The following PRMT6 variants were observed in gnomAD, a reference collection of about 807,000 sequenced individuals.
The protein encoded by PRMT6 is protein arginine N-methyltransferase 6.
A neutral mutation model predicts 30.5 loss-of-function variants in PRMT6; 23 were observed. That is an observed-to-expected ratio of 0.75 (90% CI 0.54 to 1.07). The LOEUF is 1.07. Ranked by LOEUF, PRMT6 falls within the 50% of genes least tolerant of loss-of-function variation. PRMT6 has a pLI of 0.00. For missense variants in PRMT6, 528 were observed against 514.3 expected (o/e 1.03, Z -0.26); for synonymous variants, 265 against 228.0 (o/e 1.16, Z -1.46).
Position 107,056,867 on chromosome 1 carries a change from A to G in PRMT6, c.152A>G (p.Tyr51Cys). The change falls in exon 1 of 1, where the codon TAC becomes TGC. Residue 51 changes from tyrosine (Y) to cysteine (C), a missense_variant. Coordinates refer to ENST00000370078, the MANE Select transcript of PRMT6 (RefSeq NM_018137.3). ...RERDQLYYEC[Y>C]SDVSVHEEMI... Reference sequence around the variant, plus strand: ...CGGGACCAGCTGTACTACGAGTGCTACTCGGACGTTTCGGTCCACGAGGAG... The same window carrying G: ...CGGGACCAGCTGTACTACGAGTGCTGCTCGGACGTTTCGGTCCACGAGGAG... 1 of 1,613,688 alleles carries G rather than the reference A, an allele frequency of 6.2e-7. No homozygotes were observed. The highest frequency in any genetic ancestry group is 2.2e-5 in the East Asian group (1 of 44,862).
Position 107,057,510 on chromosome 1 carries a change from G to A in PRMT6, c.795G>A (p.Gln265=), listed in dbSNP as rs1651756139. The A allele has an allele frequency of 3.1e-6, 5 of 1,613,344 alleles. 1 individual carries two copies. The East Asian group carries it at 6.7e-5, about 22-fold the overall frequency. ...AGCTCTCCCGCGCCGGCTTGGAGCAGGAGCTGGAGGCCGGAGTGGGCGGGC... is the reference window on the plus strand; with the variant it reads ...AGCTCTCCCGCGCCGGCTTGGAGCAAGAGCTGGAGGCCGGAGTGGGCGGGC... ...QLELSRAGLE[Q]ELEAGVGGRF... The change falls in exon 1 of 1, where the codon CAG becomes CAA. Residue 265 remains glutamine, a synonymous_variant. Coordinates refer to ENST00000370078, the MANE Select transcript of PRMT6 (RefSeq NM_018137.3).
rs1349949435 is a variant in PRMT6 at position 107,057,398 on chromosome 1, G to A, written c.683G>A (p.Arg228His). Residue 228 changes from arginine to histidine, a missense_variant, in exon 1 of 1, where the codon CGC (arginine) becomes CAC (histidine). By Grantham distance (29) the Arg-to-His change is conservative. Transcript: ENST00000370078. ...DMSCLEGFAT[R>H]CLMGHSEIVV... is the part of the protein sequence containing the mutation. ...AGCTGCCTGGAGGGCTTCGCCACGCGCTGTCTCATGGGCCACTCGGAGATC... is the reference window on the plus strand; with the variant it reads ...AGCTGCCTGGAGGGCTTCGCCACGCACTGTCTCATGGGCCACTCGGAGATC... The A allele has an allele frequency of 1.9e-6, 3 of 1,613,604 alleles. No homozygotes were observed. The highest frequency in any genetic ancestry group is 1.3e-5 in the African/African-American group (1 of 74,954).
Position 107,057,288 on chromosome 1 carries a change from C to G in PRMT6, c.573C>G (p.Leu191=). 6.2e-7 allele frequency: 1 copy of G among 1,614,084 alleles called. No homozygotes were observed. Among genetic ancestry groups the G allele is most frequent in the Non-Finnish European group, 8.5e-7 (1 of 1,180,038 alleles). ...GGLLLPASAE[L]FIAPISDQML... ...TTCTCCTGCCGGCCTCCGCCGAGCT[C>G]TTCATAGCCCCCATCAGCGACCAGA... Residue 191 remains leucine (L), a synonymous_variant, in exon 1 of 1, where the codon CTC becomes CTG. Transcript: ENST00000370078.
rs778959826 is a variant in PRMT6 at position 107,057,777 on chromosome 1, C to G, written c.1062C>G (p.Arg354=). ...CCCGGGACAACCCCCGTCGCCTGCG[C>G]GTGCTGCTGCGCTACAAAGTGGGAG... ...LPSRDNPRRL[R]VLLRYKVGDQ... Residue 354 remains arginine, a synonymous_variant, in exon 1 of 1, where the codon CGC becomes CGG. Coordinates refer to ENST00000370078, the MANE Select transcript of PRMT6 (RefSeq NM_018137.3). 6.2e-7 allele frequency: 1 copy of G among 1,612,138 alleles called. No homozygotes were observed. The highest frequency in any genetic ancestry group is 1.7e-5 in the Admixed American group (1 of 59,686).
In PRMT6 at chr1:107,057,838, G is replaced by T. The variant is rs376758512; in HGVS notation, c.1123G>T (p.Asp375Tyr). 232 of 1,570,972 alleles carry T rather than the reference G, an allele frequency of 1.5e-4. No homozygotes were observed. The highest frequency in any genetic ancestry group is 1.9e-4 in the Non-Finnish European group (220 of 1,157,344). The change falls in exon 1 of 1, where the codon GAC becomes TAC. Residue 375 changes from aspartate (D) to tyrosine (Y), a missense_variant. Coordinates refer to ENST00000370078, the MANE Select transcript of PRMT6 (RefSeq NM_018137.3). Reference sequence around the variant, plus strand: ...GAAGACCAAAGACTTTGCCATGGAGGACTGAGCGTTGCCTTTTCTCCCAGC... The same window carrying T: ...GAAGACCAAAGACTTTGCCATGGAGTACTGAGCGTTGCCTTTTCTCCCAGC... ...EEKTKDFAME[D>Y]
rs1163839321 is a variant in PRMT6, at chr1:107,057,118, G to A, written c.403G>A (p.Val135Ile). Residue 135 changes from valine to isoleucine, a missense_variant, in exon 1 of 1, where the codon GTC becomes ATC. Val to Ile is a conservative substitution (Grantham distance 29). Coordinates refer to ENST00000370078, the MANE Select transcript of PRMT6 (RefSeq NM_018137.3). ...RFNGLEDRVH[V>I]LPGPVETVEL... Reference sequence around the variant, plus strand: ...CAACGGGCTGGAGGACCGGGTGCACGTCCTGCCGGGACCAGTGGAGACTGT... The same window carrying A: ...CAACGGGCTGGAGGACCGGGTGCACATCCTGCCGGGACCAGTGGAGACTGT... 1 of 1,607,202 alleles carries A rather than the reference G, an allele frequency of 6.2e-7. No homozygotes were observed.
chr1:107,057,359 A>G lies in PRMT6; in HGVS notation c.644A>G (p.Tyr215Cys). The change falls in exon 1 of 1, where the codon TAT (tyrosine) becomes TGT (cysteine). Residue 215 changes from tyrosine (Y) to cysteine (C), a missense_variant. Tyr to Cys is a radical substitution (Grantham distance 194, BLOSUM62 -2). Coordinates refer to ENST00000370078, the MANE Select transcript of PRMT6 (RefSeq NM_018137.3). ...LGFWSQVKQHYGVDMSCLEGF... is the reference protein window; with the variant it reads ...LGFWSQVKQHCGVDMSCLEGF... ...TTCTGGAGCCAGGTGAAGCAGCACT[A>G]TGGTGTGGACATGAGCTGCCTGGAG... 3.1e-6 allele frequency: 5 copies of G among 1,613,760 alleles called. No homozygotes were observed. Among genetic ancestry groups the G allele is most frequent in the East Asian group, 2.2e-5 (1 of 44,862 alleles).
At position 107,057,264 on chromosome 1, in the gene PRMT6, T is replaced by A. The variant is rs557473664; in HGVS notation, c.549T>A (p.Leu183=). The change falls in exon 1 of 1, where the codon CTT becomes CTA. Residue 183 remains leucine, a synonymous_variant. Transcript: ENST00000370078. ...CCAAGTGGCTGAAGGAGGGCGGTCTTCTCCTGCCGGCCTCCGCCGAGCTCT... is the reference window on the plus strand; with the variant it reads ...CCAAGTGGCTGAAGGAGGGCGGTCTACTCCTGCCGGCCTCCGCCGAGCTCT... The part of the protein sequence containing the change: ...ARTKWLKEGG[L]LLPASAELFI... The A allele has an allele frequency of 1.9e-5, 30 of 1,614,028 alleles. No individual in the cohort carries two copies. In the South Asian group the frequency reaches 3.2e-4, roughly 17 times the overall value.
At position 107,057,036 on chromosome 1, in the gene PRMT6, C is replaced by T; in HGVS notation, c.321C>T (p.Arg107=). 6.2e-7 allele frequency: 1 copy of T among 1,613,006 alleles called. No homozygotes were observed. Among genetic ancestry groups the T allele is most frequent in the Non-Finnish European group, 8.5e-7 (1 of 1,179,760 alleles). Residue 107 remains arginine (R), a synonymous_variant, in exon 1 of 1, where the codon CGC becomes CGT. Coordinates refer to ENST00000370078, the MANE Select transcript of PRMT6 (RefSeq NM_018137.3). Reference sequence around the variant, plus strand: ...TCTGTGCCCAGGCCGGGGCCCGGCGCGTGTACGCGGTAGAGGCCAGCGCCA... The same window carrying T: ...TCTGTGCCCAGGCCGGGGCCCGGCGTGTGTACGCGGTAGAGGCCAGCGCCA... ...SIFCAQAGAR[R]VYAVEASAIW...
rs1218042288 is a variant in PRMT6, at chr1:107,058,497, GTTAAGTAAAATGGAC to G, written c.*657_*671del. 1.2e-5 allele frequency: 2 copies of G among 168,092 alleles called. No individual in the cohort carries two copies. The highest frequency in any genetic ancestry group is 2.9e-5 in the Non-Finnish European group (2 of 68,878). The allele number at this position is 168,092 out of a possible 1,614,324, so 10.4% of individuals were successfully genotyped here. On this transcript the variant is annotated 3_prime_UTR_variant, in exon 1 of 1. Coordinates refer to ENST00000370078, the MANE Select transcript of PRMT6 (RefSeq NM_018137.3). ...CTAAAGTTGATGAACACATTAATCC[GTTAAGTAAAATGGAC>G]TTTGTAATTGTACAGCATACCTAAG...
Position 107,057,956 on chromosome 1 carries a change from C to T in PRMT6, c.*113C>T. The T allele has an allele frequency of 1.4e-6, 2 of 1,394,118 alleles. No homozygotes were observed. The highest frequency in any genetic ancestry group is 2.0e-6 in the Non-Finnish European group (2 of 1,006,318). 86.4% of individuals were successfully genotyped at this position (1,394,118 alleles called of 1,614,324 possible). On this transcript the variant is annotated 3_prime_UTR_variant, in exon 1 of 1. Transcript: ENST00000370078. ...ACGTGCAAGTAGGGGGAATATCTCC[C>T]CCTTTTCCCTCATAGCCTCTAGGGA...
In PRMT6 at chr1:107,057,821, A is replaced by G; in HGVS notation, c.1106A>G (p.Lys369Arg). The change falls in exon 1 of 1, where the codon AAA (lysine) becomes AGA (arginine). Residue 369 changes from lysine (K) to arginine (R), a missense_variant. Physicochemically the swap from Lys to Arg is conservative, Grantham distance 26. Transcript: ENST00000370078. ...GTGGGAGACCAGGAGGAGAAGACCA[A>G]AGACTTTGCCATGGAGGACTGAGCG... Reference protein sequence around the residue: ...YKVGDQEEKTKDFAMED With the variant: ...YKVGDQEEKTRDFAMED 6.3e-7 allele frequency: 1 copy of G among 1,588,570 alleles called. No homozygotes were observed. Among genetic ancestry groups the G allele is most frequent in the South Asian group, 1.1e-5 (1 of 88,206 alleles).
chr1:107,057,718 A>G lies in PRMT6; in HGVS notation c.1003A>G (p.Thr335Ala). 2.5e-6 allele frequency: 4 copies of G among 1,614,246 alleles called. No homozygotes were observed. The highest frequency in any genetic ancestry group is 3.4e-6 in the Non-Finnish European group (4 of 1,180,050). The change falls in exon 1 of 1, where the codon ACG (threonine) becomes GCG (alanine). Residue 335 changes from threonine (T) to alanine (A), a missense_variant. Physicochemically the swap from Thr to Ala is moderately conservative, Grantham distance 58 (BLOSUM62 0). Coordinates refer to ENST00000370078, the MANE Select transcript of PRMT6 (RefSeq NM_018137.3). ...CGAGCCGGTGCAAGTGGAGCAAGAC[A>G]CGGACGTTTCAGGAGAGATCACGCT... ...LNEPVQVEQD[T>A]DVSGEITLLP...
At position 107,057,397 on chromosome 1, in the gene PRMT6, C is replaced by G; in HGVS notation, c.682C>G (p.Arg228Gly). 3.1e-6 allele frequency: 5 copies of G among 1,613,722 alleles called. No homozygotes were observed. Among genetic ancestry groups the G allele is most frequent in the Non-Finnish European group, 4.2e-6 (5 of 1,180,048 alleles). The change falls in exon 1 of 1, where the codon CGC (arginine) becomes GGC (glycine). Residue 228 changes from arginine (R) to glycine (G), a missense_variant. Coordinates refer to ENST00000370078, the MANE Select transcript of PRMT6 (RefSeq NM_018137.3). ...DMSCLEGFAT[R>G]CLMGHSEIVV... ...GAGCTGCCTGGAGGGCTTCGCCACG[C>G]GCTGTCTCATGGGCCACTCGGAGAT...
rs1651782201 is a variant in PRMT6, at chr1:107,058,477, G to C, written c.*634G>C. On this transcript the variant is annotated 3_prime_UTR_variant, in exon 1 of 1. Transcript: ENST00000370078. ...ACCACATACATCATAGGGTGCTAAA[G>C]TTGATGAACACATTAATCCGTTAAG... is the stretch of plus-strand genomic sequence containing the variant. 1 of 170,232 alleles carries C rather than the reference G, an allele frequency of 5.9e-6. No individual in the cohort carries two copies. Among genetic ancestry groups the C allele is most frequent in the Non-Finnish European group, 1.4e-5 (1 of 69,942 alleles). The allele number at this position is 170,232 out of a possible 1,614,324, so 10.5% of individuals were successfully genotyped here.
In PRMT6 at chr1:107,057,499, G is replaced by A. The variant is rs1014245994; in HGVS notation, c.784G>A (p.Gly262Ser). ...TGCTCAGCTAGAGCTCTCCCGCGCC[G>A]GCTTGGAGCAGGAGCTGGAGGCCGG... ...RFAQLELSRAGLEQELEAGVG... is the reference protein window; with the variant it reads ...RFAQLELSRASLEQELEAGVG... Residue 262 changes from glycine to serine, a missense_variant, in exon 1 of 1, where the codon GGC becomes AGC. Transcript: ENST00000370078. The A allele has an allele frequency of 7.4e-6, 12 of 1,613,180 alleles. No homozygotes were observed. Among genetic ancestry groups the A allele is most frequent in the East Asian group, 2.2e-5 (1 of 44,884 alleles).
In PRMT6 at chr1:107,059,223, ACATTT is replaced by A. The variant is rs1400584074; in HGVS notation, c.*1381_*1385del. ...AAAACTGGTGTTCTGAAATAGCCTA[ACATTT>A]ATTGTAATTCTGAATTTTCTGCCCT... On this transcript the variant is annotated 3_prime_UTR_variant, in exon 1 of 1. Coordinates refer to ENST00000370078, the MANE Select transcript of PRMT6 (RefSeq NM_018137.3). The A allele has an allele frequency of 6.0e-6, 1 of 166,900 alleles. No homozygotes were observed. Among genetic ancestry groups the A allele is most frequent in the Non-Finnish European group, 1.5e-5 (1 of 68,110 alleles). 10.3% of individuals were successfully genotyped at this position (166,900 alleles called of 1,614,324 possible). A position where few individuals can be genotyped will look rare whatever the true frequency, so the allele number is the denominator to read the frequency against.
rs777520208 is a variant in PRMT6, at chr1:107,058,461, A to G, written c.*618A>G. On this transcript the variant is annotated 3_prime_UTR_variant, in exon 1 of 1. Transcript: ENST00000370078. ...TGTTCTCATTACTCTGACCACATAC[A>G]TCATAGGGTGCTAAAGTTGATGAAC... The G allele has an allele frequency of 2.9e-5, 5 of 173,124 alleles. No individual in the cohort carries two copies. Among genetic ancestry groups the G allele is most frequent in the African/African-American group, 9.6e-5 (4 of 41,478 alleles). 10.7% of individuals were successfully genotyped at this position (173,124 alleles called of 1,614,324 possible). A position where few individuals can be genotyped will look rare whatever the true frequency, so the allele number is the denominator to read the frequency against.
rs750251564 is a variant in PRMT6 at position 107,056,869 on chromosome 1, T to C, written c.154T>C (p.Ser52Pro). Residue 52 changes from serine (S) to proline (P), a missense_variant, in exon 1 of 1, where the codon TCG becomes CCG. Transcript: ENST00000370078. The stretch of plus-strand genomic sequence containing the variant: ...GGACCAGCTGTACTACGAGTGCTAC[T>C]CGGACGTTTCGGTCCACGAGGAGAT... The part of the protein sequence containing the change: ...ERDQLYYECY[S>P]DVSVHEEMIA... 1.4e-5 allele frequency: 22 copies of C among 1,613,664 alleles called. No individual in the cohort carries two copies. The highest frequency in any genetic ancestry group is 1.9e-5 in the Non-Finnish European group (22 of 1,179,808).
Sources: gnomAD v4.1 joint callset for allele counts on GRCh38, gnomAD v4.1.1 for gene constraint, MANE v1.5 for transcripts, NCBI Gene and HGNC (gene_info 2026-07-23, HGNC 2026-07-21) for gene names.